The following PLPP1 variants were observed in gnomAD, a reference collection of about 807,000 sequenced individuals.
PLPP1 encodes the protein lipid phosphate phosphohydrolase 1a.
A neutral mutation model predicts 31.2 loss-of-function variants in PLPP1; 24 were observed. The ratio of observed to expected loss-of-function variants is 0.77; its 90% CI spans 0.56 to 1.08. The LOEUF (loss-of-function observed/expected upper bound fraction) is 1.08, where lower values mean the gene tolerates loss of function less well. PLPP1 is among the 50% of genes least tolerant of loss of function. The probability of loss-of-function intolerance (pLI) is 0.00; values close to 1 mark genes in which losing one functional copy is unlikely to be tolerated. For synonymous variants in PLPP1, 146 were observed against 126.3 expected (o/e 1.16, Z -1.05); for missense variants, 319 against 342.7 (o/e 0.93, Z 0.55).
intron 1 of PLPP1, among the ~76,000 whole-genome samples, chr5:55,497,796 A>G (rs4865608): frequency 0.65 from 99,246 of 151,896 alleles, 33,841 homozygotes; most frequent in Non-Finnish European, 0.77. Context: ...TCATCTACAG[A>G]CTTGGAAAGA....
intron 4 of PLPP1, among the ~76,000 whole-genome samples, chr5:55,437,524 TGAA>T (rs1561222973): frequency 1.4e-5 from 2 of 139,584 alleles, no homozygotes; most frequent in Admixed American, 7.2e-5. Context: ...GACCTTTCAC[TGAA>T]AAAAAAAAAA....
chr5:55,494,201 G>A (rs932123242), intron 1 of PLPP1, among the ~76,000 whole-genome samples: 1 of 151,740 alleles, frequency 6.6e-6, no homozygotes, highest in Non-Finnish European at 1.5e-5. Flanking sequence ...AAGGGAGAGA[G>A]AGAGCAAGAA....
chr5:55,471,392 G>T (rs1050213038), intron 2 of PLPP1, among the ~76,000 whole-genome samples: 3 of 152,020 alleles, frequency 2.0e-5, no homozygotes, highest in Non-Finnish European at 4.4e-5. Context: ...AGTAGAGAAG[G>T]AGTTTCACCG....
chr5:55,436,423 C>T (rs555541328), intron 4 of PLPP1, among the ~76,000 whole-genome samples: 16 of 152,322 alleles, frequency 1.1e-4, no homozygotes, highest in African/African-American at 3.1e-4. Flanking sequence ...CTCTGCCTGC[C>T]GCCATCCACG....
At chr5:55,457,925 A>G (rs1752057583) in intron 3 of PLPP1, among the ~76,000 whole-genome samples, 1 of 151,902 alleles carries the variant, frequency 6.6e-6, no homozygotes, top group African/African-American at 2.4e-5. Flanking sequence ...GACATTTTCT[A>G]GACTTTAGGT....
In PLPP1 at chr5:55,513,485, T is replaced by C. The variant is rs866297118; in HGVS notation, c.58+21087A>G. On this transcript the variant is annotated intron_variant, in intron 1 of 5. Transcript: ENST00000307259. ...CAGGGTTTCACCATGTTGTCCAGGC[T>C]GGTCTCGAACTCCTAACCCCAGGTG... is the stretch of plus-strand genomic sequence containing the variant. Among the ~76,000 whole-genome samples, 5 of 152,166 alleles carry C rather than the reference T, an allele frequency of 3.3e-5. No individual in the cohort carries two copies. The South Asian group carries it at 8.3e-4, about 25-fold the overall frequency.
At chr5:55,511,298 G>A (rs1691205203) in intron 1 of PLPP1, among the ~76,000 whole-genome samples, 2 of 152,126 alleles carry the variant, frequency 1.3e-5, no homozygotes, top group African/African-American at 4.8e-5. Flanking sequence ...TTTCCACAAG[G>A]ACGTTGTACA....
At chr5:55,474,925 GTGTTTTTTTTC>G (rs1227824195) in intron 2 of PLPP1, among the ~76,000 whole-genome samples, 2 of 151,832 alleles carry the variant, frequency 1.3e-5, no homozygotes, top group East Asian at 3.9e-4. Flanking sequence ...GGTTCTTTTC[GTGTTTTTTTTC>G]TGTTTTTTTT....
At chr5:55,446,873 C>T (rs994422042) in intron 3 of PLPP1, among the ~76,000 whole-genome samples, 2 of 152,160 alleles carry the variant, frequency 1.3e-5, no homozygotes, top group East Asian at 1.9e-4. Flanking sequence ...TCCTCTTCCC[C>T]GGCCTCAGCC....
At position 55,462,813 on chromosome 5, in the gene PLPP1, A is replaced by C. The variant is rs187333621; in HGVS notation, c.491+5056T>G. ...ACGGTGAAACCCCATCTCTACTAAAAATACAAAAAATTAGCTGGGTATGGT... is the reference window on the plus strand; with the variant it reads ...ACGGTGAAACCCCATCTCTACTAAACATACAAAAAATTAGCTGGGTATGGT... On this transcript the variant is annotated intron_variant, in intron 3 of 5. Transcript: ENST00000307259. Among the ~76,000 whole-genome samples, 200 of 152,082 alleles carry C rather than the reference A, an allele frequency of 1.3e-3. 2 individuals are homozygous for C. In the Middle Eastern group the frequency reaches 0.024, roughly 18 times the overall value.
rs1340848877 is a variant in PLPP1 at position 55,499,696 on chromosome 5, TAA to T, written c.59-24248_59-24247del. Among the ~76,000 whole-genome samples, 14 of 151,818 alleles carry T rather than the reference TAA, an allele frequency of 9.2e-5. 1 individual carries two copies. The highest frequency in any genetic ancestry group is 3.4e-3 in the Middle Eastern group (1 of 292). ...TTTCACTACTCAAAAAAAAAATAAA[TAA>T]ATAGTTAATAATCTTATATGGCCCT... is the stretch of plus-strand genomic sequence containing the variant. On this transcript the variant is annotated intron_variant, in intron 1 of 5. Coordinates refer to ENST00000307259, the MANE Select transcript of PLPP1 (RefSeq NM_003711.4).
rs547240621 is a variant in PLPP1, at chr5:55,522,416, TAC to T, written c.58+12154_58+12155del. 1.4e-4 allele frequency among the ~76,000 whole-genome samples: 22 copies of T among 152,256 alleles called. No individual in the cohort carries two copies. In the East Asian group the frequency reaches 3.7e-3, roughly 25 times the overall value. ...TCTTCTTTTTGTTTGTTTTTATAGA[TAC>T]AGAGTCTCGCTCTGTTGCCCAGGCT... is the stretch of plus-strand genomic sequence containing the variant. On this transcript the variant is annotated intron_variant, in intron 1 of 5. Transcript: ENST00000307259.
intron 1 of PLPP1, among the ~76,000 whole-genome samples, chr5:55,481,250 A>C (rs1443636455): frequency 6.6e-6 from 1 of 152,230 alleles, no homozygotes; most frequent in South Asian, 2.1e-4. Flanking sequence ...CAAATCTGGG[A>C]AACTGGTTAA....
chr5:55,454,533 G>C (rs940623519), intron 3 of PLPP1, among the ~76,000 whole-genome samples: 10 of 152,080 alleles, frequency 6.6e-5, no homozygotes, highest in African/African-American at 2.4e-4. Flanking sequence ...TACTCCTCAG[G>C]GGCTATTATT....
chr5:55,487,771 C>T (rs1289656379), intron 1 of PLPP1, among the ~76,000 whole-genome samples: 1 of 152,118 alleles, frequency 6.6e-6, no homozygotes, highest in Non-Finnish European at 1.5e-5. Flanking sequence ...AGAATTCCTT[C>T]CTGCACATTC....
chr5:55,451,030 C>A (rs1056372121), intron 3 of PLPP1, among the ~76,000 whole-genome samples: 1 of 152,204 alleles, frequency 6.6e-6, no homozygotes, highest in Non-Finnish European at 1.5e-5. Context: ...AAAGACAACA[C>A]CAAGGCCAAG....
At chr5:55,466,860 T>C (rs1752309136) in intron 3 of PLPP1, among the ~76,000 whole-genome samples, 1 of 152,132 alleles carries the variant, frequency 6.6e-6, no homozygotes, top group East Asian at 1.9e-4. Context: ...TATTTGTACT[T>C]TGAACAACTA....
In PLPP1 at chr5:55,441,905, C is replaced by A. The variant is rs1220674326; in HGVS notation, c.495G>T (p.Leu165Phe). Residue 165 changes from leucine (L) to phenylalanine (F), a missense_variant, in exon 4 of 6, where the codon TTG (leucine) becomes TTT (phenylalanine). Transcript: ENST00000307259. ...GNAERVKEGR[L>F]SFYSGHSSFS... ...ACGAAGAGTGGCCTGAATAGAAGGA[C>A]AACCTGGAAGAAAAAGAAGACAAAT... The A allele has an allele frequency of 6.2e-7, 1 of 1,613,360 alleles. No individual in the cohort carries two copies.
intron 1 of PLPP1, among the ~76,000 whole-genome samples, chr5:55,528,337 G>A (rs923342683): frequency 3.9e-5 from 6 of 152,246 alleles, no homozygotes; most frequent in Admixed American, 6.5e-5. Flanking sequence ...CAAGGCTCTC[G>A]TCTTTGCTCA....
Sources: gnomAD v4.1 joint callset for allele counts (sites outside exome capture counted in the v4.1 genomes callset) on GRCh38, gnomAD v4.1.1 for gene constraint, MANE v1.5 for transcripts, NCBI Gene and HGNC (gene_info 2026-07-23, HGNC 2026-07-21) for gene names.